SNAPC1: variants seen among roughly 807,000 people sequenced by gnomAD.
SNAPC1 encodes the protein small nuclear RNA activating complex polypeptide 1.
SNAPC1 carries 42 observed loss-of-function variants against 50.1 expected under a neutral mutation model. The observed-to-expected ratio is 0.84, with a 90% confidence interval of 0.65 to 1.08. The LOEUF (loss-of-function observed/expected upper bound fraction) is 1.08, where lower values mean the gene tolerates loss of function less well. Ranked by LOEUF, SNAPC1 falls within the 50% of genes least tolerant of loss-of-function variation. SNAPC1 has a pLI of 0.00. For missense variants in SNAPC1, 477 were observed against 427.3 expected (o/e 1.12, Z -1.02); for synonymous variants, 164 against 144.2 (o/e 1.14, Z -0.98).
intron 7 of SNAPC1, among the ~76,000 whole-genome samples, chr14:61,780,842 G>GTGT (rs2045066363): frequency 6.6e-6 from 1 of 151,776 alleles, no homozygotes; most frequent in East Asian, 1.9e-4. Flanking sequence ...GTGTGTCTGT[G>GTGT]GTTTCTGCAT....
At chr14:61,786,489 A>T (rs527909801) in intron 8 of SNAPC1, among the ~76,000 whole-genome samples, 2 of 152,346 alleles carry the variant, frequency 1.3e-5, no homozygotes, top group South Asian at 4.1e-4. Context: ...AATGGCTAAA[A>T]CATTTCACCA....
Position 61,767,301 on chromosome 14 carries a change from T to C in SNAPC1, c.378T>C (p.Phe126=), listed in dbSNP as rs761979712. ...AGCATTTTGATGCAGCTTATATTTT[T>C]AGGAAGCTACGACTAGACAGAGCAT... ...NAQHFDAAYI[F]RKLRLDRAFH... The change falls in exon 3 of 10, where the codon TTT becomes TTC. Residue 126 remains phenylalanine, a synonymous_variant. Transcript: ENST00000216294. The C allele has an allele frequency of 9.8e-6, 15 of 1,526,338 alleles. No individual in the cohort carries two copies. The South Asian group carries it at 2.0e-4, about 20-fold the overall frequency. The allele number at this position is 1,526,338 out of a possible 1,614,324, so 94.5% of individuals were successfully genotyped here.
At chr14:61,787,042 T>C (rs552273898) in intron 8 of SNAPC1, among the ~76,000 whole-genome samples, 71 of 152,364 alleles carry the variant, frequency 4.7e-4, no homozygotes, top group African/African-American at 1.7e-3. Context: ...CACAAAAGGC[T>C]ATATACTCTG....
intron 7 of SNAPC1, among the ~76,000 whole-genome samples, chr14:61,780,674 C>T (rs2045065260): frequency 6.6e-6 from 1 of 152,120 alleles, no homozygotes; most frequent in African/African-American, 2.4e-5. Flanking sequence ...TACAGAAGCT[C>T]TGTAGTTTAA....
At chr14:61,767,650 G>C (rs1246216509) in intron 3 of SNAPC1, among the ~76,000 whole-genome samples, 1 of 152,012 alleles carries the variant, frequency 6.6e-6, no homozygotes, top group South Asian at 2.1e-4. Context: ...TTTTAGTAGA[G>C]ACAAGGTTTC....
intron 8 of SNAPC1, among the ~76,000 whole-genome samples, chr14:61,784,742 A>AGT (rs2045102444): frequency 6.6e-6 from 1 of 152,170 alleles, no homozygotes; most frequent in Non-Finnish European, 1.5e-5. Context: ...TAATCTTTAA[A>AGT]GTGTGTGTGT....
At chr14:61,764,925 C>T (rs761565473) in intron 1 of SNAPC1, among the ~76,000 whole-genome samples, 1 of 151,592 alleles carries the variant, frequency 6.6e-6, no homozygotes. Flanking sequence ...TAATAGAGCC[C>T]GTGTTTATGG....
intron 8 of SNAPC1, among the ~76,000 whole-genome samples, chr14:61,791,586 G>C (rs907590283): frequency 6.6e-6 from 1 of 152,064 alleles, no homozygotes; most frequent in African/African-American, 2.4e-5. Flanking sequence ...GGTGGCTCAC[G>C]CCTGTAATCC....
At chr14:61,785,110 A>G (rs529032545) in intron 8 of SNAPC1, among the ~76,000 whole-genome samples, 1 of 152,342 alleles carries the variant, frequency 6.6e-6, no homozygotes, top group South Asian at 2.1e-4. Flanking sequence ...ATTAAGAGAC[A>G]CAAGTTTCCA....
Position 61,766,913 on chromosome 14 carries a change from A to G in SNAPC1, c.166A>G (p.Lys56Glu). 1 of 1,611,228 alleles carries G rather than the reference A, an allele frequency of 6.2e-7. No homozygotes were observed. The highest frequency in any genetic ancestry group is 8.5e-7 in the Non-Finnish European group (1 of 1,177,602). Residue 56 changes from lysine to glutamate, a missense_variant, in exon 2 of 10, where the codon AAA (lysine) becomes GAA (glutamate). Lys to Glu is a moderately conservative substitution (Grantham distance 56, BLOSUM62 1). Transcript: ENST00000216294. ...AAATTTAGAAAAGAACATGTTTACA[A>G]AAGAAGCTTTAGCTTTGGCTTGGCG... Reference protein sequence around the residue: ...MRNLEKNMFTKEALALAWRYF... With the variant: ...MRNLEKNMFTEEALALAWRYF...
At chr14:61,793,656 T>C (rs1290215569) in intron 9 of SNAPC1, among the ~76,000 whole-genome samples, 1 of 27,694 alleles carries the variant, frequency 3.6e-5, no homozygotes, top group African/African-American at 5.6e-5. Context: ...TTCTTTTCTT[T>C]TTTTCTTTTT....
rs2045034887 is a variant in SNAPC1 at position 61,776,270 on chromosome 14, T to C, written c.693+17T>C. 1.2e-6 allele frequency: 2 copies of C among 1,602,516 alleles called. No individual in the cohort carries two copies. Among genetic ancestry groups the C allele is most frequent in the Non-Finnish European group, 8.5e-7 (1 of 1,172,024 alleles). ...GACAGAAAGGTATGCAATCACTTGT[T>C]TGGTGCCTCACCATTGTATTTTACA... On this transcript the variant is annotated intron_variant, in intron 5 of 9. Coordinates refer to ENST00000216294, the MANE Select transcript of SNAPC1 (RefSeq NM_003082.4).
rs374022977 is a variant in SNAPC1 at position 61,775,578 on chromosome 14, A to G, written c.535-517A>G. On this transcript the variant is annotated intron_variant, in intron 4 of 9. Transcript: ENST00000216294. The stretch of plus-strand genomic sequence containing the variant: ...CTACCCTCTATATCTTTAATCCTGA[A>G]TGTTATCGCTGAAGCAATGGGGAAG... Among the ~76,000 whole-genome samples, 135 of 152,194 alleles carry G rather than the reference A, an allele frequency of 8.9e-4. 4 individuals are homozygous for G. The South Asian group carries it at 0.027, about 31-fold the overall frequency.
chr14:61,778,749 G>A, intron 6 of SNAPC1, 99 bp from the exon 7 acceptor site: 2 of 761,192 alleles, frequency 2.6e-6, no homozygotes, highest in Non-Finnish European at 4.5e-6. Context: ...CCTACATTGT[G>A]TCTGAAATCT....
intron 4 of SNAPC1, among the ~76,000 whole-genome samples, chr14:61,773,803 G>A (rs2045013512): frequency 6.6e-6 from 1 of 151,196 alleles, no homozygotes; most frequent in African/African-American, 2.4e-5. Context: ...CACCTCCCAG[G>A]TTCAAGCGAT....
intron 8 of SNAPC1, among the ~76,000 whole-genome samples, chr14:61,791,030 A>G (rs776400669): frequency 2.0e-5 from 3 of 152,118 alleles, no homozygotes; most frequent in Non-Finnish European, 4.4e-5. Flanking sequence ...TTCCCTCCCG[A>G]GATGGAGTCT....
At chr14:61,790,510 ATTTT>A (rs1176369342) in intron 8 of SNAPC1, among the ~76,000 whole-genome samples, 1 of 152,016 alleles carries the variant, frequency 6.6e-6, no homozygotes, top group East Asian at 1.9e-4. Flanking sequence ...TGATTTTTGT[ATTTT>A]TAGTAGAGAC....
chr14:61,781,886 A>G (rs1410691062), intron 7 of SNAPC1, among the ~76,000 whole-genome samples: 1 of 152,230 alleles, frequency 6.6e-6, no homozygotes, highest in East Asian at 1.9e-4. Flanking sequence ...CCAAACCTGG[A>G]GCCAAGCGTG....
In SNAPC1 at chr14:61,794,446, T is replaced by C. The variant is rs574869475; in HGVS notation, c.1073-503T>C. Among the ~76,000 whole-genome samples the C allele has an allele frequency of 6.8e-4, 104 of 152,146 alleles. 2 individuals carry two copies. The South Asian group carries it at 0.021, about 31-fold the overall frequency. Reference sequence around the variant, plus strand: ...TTTGAGATGGAGTCTCGCTCTGTCGTCCAGGCTGGAGTGCAGTGGCACGAT... The same window carrying C: ...TTTGAGATGGAGTCTCGCTCTGTCGCCCAGGCTGGAGTGCAGTGGCACGAT... On this transcript the variant is annotated intron_variant, in intron 9 of 9. Transcript: ENST00000216294.
Sources: gnomAD v4.1 joint callset for allele counts (sites outside exome capture counted in the v4.1 genomes callset) on GRCh38, gnomAD v4.1.1 for gene constraint, MANE v1.5 for transcripts, NCBI Gene and HGNC (gene_info 2026-07-23, HGNC 2026-07-21) for gene names.